The following KIAA1549L variants were observed in gnomAD, a reference collection of about 807,000 sequenced individuals.
KIAA1549L encodes the protein UPF0606 protein KIAA1549L.
KIAA1549L carries 88 observed loss-of-function variants against 160.7 expected under a neutral mutation model. The observed-to-expected ratio is 0.55, with a 90% CI of 0.46 to 0.65. The LOEUF (loss-of-function observed/expected upper bound fraction) is 0.65. KIAA1549L is among the 30% of genes least tolerant of loss of function. The probability of loss-of-function intolerance (pLI) is 0.00; values close to 1 mark genes in which losing one functional copy is unlikely to be tolerated. For synonymous variants in KIAA1549L, 950 were observed against 976.7 expected (o/e 0.97, Z 0.51); for missense variants, 2,258 against 2,437.5 (o/e 0.93, Z 1.55).
In KIAA1549L at chr11:33,468,762, A is replaced by G. The variant is rs535181459; in HGVS notation, c.239-73040A>G. The stretch of plus-strand genomic sequence containing the variant: ...CTTCTCAGCTATAATACGGCGCTCC[A>G]GAATCATAACTCTGGCCTCCATGCT... On this transcript the variant is annotated intron_variant, in intron 1 of 20. Transcript: ENST00000658780. Among the ~76,000 whole-genome samples the G allele has an allele frequency of 3.3e-5, 5 of 152,366 alleles. No homozygotes were observed. In the East Asian group the frequency reaches 9.6e-4, roughly 29 times the overall value.
At chr11:33,659,072 C>T (rs1354925794) in intron 19 of KIAA1549L, among the ~76,000 whole-genome samples, 174 bp downstream of exon 19, 2 of 152,190 alleles carry the variant, frequency 1.3e-5, no homozygotes, top group African/African-American at 4.8e-5. Context: ...TGCTGATTTT[C>T]TTTCTTTTAA....
At chr11:33,551,579 C>CAA (rs59152356) in intron 5 of KIAA1549L, among the ~76,000 whole-genome samples, 10,771 of 146,486 alleles carry the variant, frequency 0.074, 1,290 homozygotes, top group African/African-American at 0.25. Flanking sequence ...GTTGAACATG[C>CAA]AAAAAAAAAA....
chr11:33,595,361 G>T (rs1850170424), intron 12 of KIAA1549L, among the ~76,000 whole-genome samples: 1 of 152,076 alleles, frequency 6.6e-6, no homozygotes, highest in South Asian at 2.1e-4. Context: ...CGAGTAGCTG[G>T]GATTACAGAC....
chr11:33,451,908 A>G (rs1461850532), intron 1 of KIAA1549L, among the ~76,000 whole-genome samples: 1 of 152,192 alleles, frequency 6.6e-6, no homozygotes, highest in African/African-American at 2.4e-5. Context: ...GAGTGCTTAC[A>G]TATAGTCACC....
chr11:33,630,628 C>T (rs948348291), intron 16 of KIAA1549L, among the ~76,000 whole-genome samples: 2 of 152,218 alleles, frequency 1.3e-5, no homozygotes, highest in African/African-American at 2.4e-5. Context: ...AATGCCTCGC[C>T]CTGCTTCGGC....
chr11:33,522,852 T>C (rs2133129416), intron 1 of KIAA1549L, among the ~76,000 whole-genome samples: 1 of 152,046 alleles, frequency 6.6e-6, no homozygotes, highest in East Asian at 1.9e-4. Flanking sequence ...TGAGCTATGA[T>C]TGCGCCACTA....
intron 1 of KIAA1549L, among the ~76,000 whole-genome samples, chr11:33,387,811 C>T (rs375221602): frequency 1.4e-3 from 215 of 152,250 alleles, no homozygotes; most frequent in African/African-American, 4.6e-3. Flanking sequence ...CCCCATCCCC[C>T]GTCTGTGTCT....
intron 8 of KIAA1549L, among the ~76,000 whole-genome samples, chr11:33,565,313 G>A (rs1855012074): frequency 6.6e-6 from 1 of 152,192 alleles, no homozygotes; most frequent in Non-Finnish European, 1.5e-5. Flanking sequence ...TGGTAAGGAT[G>A]TGTTTAGCAA....
chr11:33,387,987 C>T (rs889911431), intron 1 of KIAA1549L, among the ~76,000 whole-genome samples: 9 of 152,128 alleles, frequency 5.9e-5, no homozygotes, highest in African/African-American at 2.2e-4. Context: ...AAATATAGGC[C>T]TATCTTCAAT....
At chr11:33,624,910 C>T (rs543994699) in intron 16 of KIAA1549L, among the ~76,000 whole-genome samples, 1 of 109,178 alleles carries the variant, frequency 9.2e-6, no homozygotes, top group Admixed American at 1.2e-4. Context: ...CCTCCCCCCT[C>T]CCCCCACCCC....
intron 1 of KIAA1549L, among the ~76,000 whole-genome samples, chr11:33,415,496 A>C (rs1850870213): frequency 6.6e-6 from 1 of 152,146 alleles, no homozygotes; most frequent in Non-Finnish European, 1.5e-5. Context: ...CCAGGCCTGA[A>C]GTTGAAAGTG....
chr11:33,397,584 C>T (rs1399686544), intron 1 of KIAA1549L, among the ~76,000 whole-genome samples: 12 of 151,548 alleles, frequency 7.9e-5, no homozygotes, highest in Admixed American at 3.3e-4. Flanking sequence ...TGGTGGCGGG[C>T]GCCTGTAGTC....
Position 33,539,615 on chromosome 11 carries a change from T to C in KIAA1549L, c.239-2187T>C, listed in dbSNP as rs76030894. 0.011 allele frequency among the ~76,000 whole-genome samples: 1,600 copies of C among 152,338 alleles called. 74 individuals carry two copies. In the East Asian group the frequency reaches 0.16, roughly 15 times the overall value. On this transcript the variant is annotated intron_variant, in intron 1 of 20. Coordinates refer to ENST00000658780, the MANE Select transcript of KIAA1549L (RefSeq NM_012194.3). The stretch of plus-strand genomic sequence containing the variant: ...CTTTCTTTGCCTCCTCCTTCTGTTT[T>C]TCAGTAGCAACTTCCTGAAATATGT...
intron 1 of KIAA1549L, among the ~76,000 whole-genome samples, chr11:33,384,751 A>G (rs1453443086): frequency 1.3e-5 from 2 of 152,110 alleles, no homozygotes; most frequent in Admixed American, 6.5e-5. Flanking sequence ...CTTGCCATCT[A>G]TATCTCTACT....
chr11:33,454,680 TAGAG>T, intron 1 of KIAA1549L, among the ~76,000 whole-genome samples: 1 of 152,340 alleles, frequency 6.6e-6, no homozygotes, highest in East Asian at 1.9e-4. Flanking sequence ...TAAGTCATTT[TAGAG>T]AGGCATCCAT....
intron 6 of KIAA1549L, 67 bp downstream of exon 6, chr11:33,552,308 T>A: frequency 6.6e-7 from 1 of 1,521,364 alleles, no homozygotes; most frequent in Non-Finnish European, 8.9e-7. Flanking sequence ...TGGCAAGAAA[T>A]GACTTGGGTC....
chr11:33,485,072 C>T (rs1434386755), intron 1 of KIAA1549L, among the ~76,000 whole-genome samples: 2 of 152,116 alleles, frequency 1.3e-5, no homozygotes, highest in Admixed American at 1.3e-4. Flanking sequence ...CTTTATCATC[C>T]ACGACCCAGC....
chr11:33,519,402 G>C (rs529353009), intron 1 of KIAA1549L, among the ~76,000 whole-genome samples: 1 of 152,256 alleles, frequency 6.6e-6, no homozygotes, highest in African/African-American at 2.4e-5. Context: ...CAAGTAATTA[G>C]CAACTTAACC....
At chr11:33,625,276 T>C (rs1564929674) in intron 16 of KIAA1549L, among the ~76,000 whole-genome samples, 1 of 152,182 alleles carries the variant, frequency 6.6e-6, no homozygotes, top group African/African-American at 2.4e-5. Context: ...ATATACCCAG[T>C]AATGGGATGG....
Sources: gnomAD v4.1 joint callset for allele counts (sites outside exome capture counted in the v4.1 genomes callset) on GRCh38, gnomAD v4.1.1 for gene constraint, MANE v1.5 for transcripts, NCBI Gene and HGNC (gene_info 2026-07-23, HGNC 2026-07-21) for gene names.